Variants in COL13A1 observed in about 807,000 individuals in gnomAD.
COL13A1 encodes the protein collagen alpha-1(XIII) chain.
COL13A1 carries 89 observed loss-of-function variants against 130.9 expected under a neutral mutation model. The observed-to-expected ratio is 0.68, with a 90% CI of 0.57 to 0.81. The LOEUF (loss-of-function observed/expected upper bound fraction) is 0.81. Among genes scored for constraint, COL13A1 ranks in the 30% least tolerant of loss-of-function variants. The probability of loss-of-function intolerance (pLI) is 0.00; values close to 1 mark genes in which losing one functional copy is unlikely to be tolerated. For missense variants in COL13A1, 879 were observed against 934.6 expected (o/e 0.94, Z 0.78); for synonymous variants, 402 against 341.6 (o/e 1.18, Z -1.95).
chr10:69,867,177 G>T (rs1483922599), intron 2 of COL13A1, among the ~76,000 whole-genome samples: 7 of 152,210 alleles, frequency 4.6e-5, no homozygotes, highest in Admixed American at 3.9e-4. Flanking sequence ...GGAACAGAGA[G>T]AGGCATGGAG....
intron 39 of COL13A1, chr10:69,956,542 G>A: frequency 5.7e-6 from 1 of 176,058 alleles, no homozygotes; most frequent in Non-Finnish European, 1.2e-5. Context: ...TCCTCCCTGT[G>A]CTTAGGAAGA....
At chr10:69,859,414 G>A (rs1207774598) in intron 2 of COL13A1, among the ~76,000 whole-genome samples, 2 of 152,100 alleles carry the variant, frequency 1.3e-5, no homozygotes, top group Non-Finnish European at 2.9e-5. Context: ...CATTCGACAT[G>A]AGTCTGACCT....
intron 14 of COL13A1, among the ~76,000 whole-genome samples, chr10:69,900,507 C>A (rs993939159): frequency 6.6e-6 from 1 of 152,178 alleles, no homozygotes; most frequent in African/African-American, 2.4e-5. Context: ...AGACGAGGCA[C>A]CTCTGAGCTA....
intron 38 of COL13A1, among the ~76,000 whole-genome samples, chr10:69,949,950 G>GCA (rs2069170276): frequency 9.3e-6 from 1 of 107,402 alleles, no homozygotes; most frequent in African/African-American, 2.8e-5. Flanking sequence ...GTGTGTGTGC[G>GCA]TGTGTTTGTG....
At chr10:69,842,836 G>T (rs552858458) in intron 2 of COL13A1, among the ~76,000 whole-genome samples, 3 of 152,334 alleles carry the variant, frequency 2.0e-5, no homozygotes, top group Admixed American at 2.0e-4. Context: ...AGGCCTGCTG[G>T]GTTCCGCTGT....
At chr10:69,864,025 C>A (rs1008415760) in intron 2 of COL13A1, among the ~76,000 whole-genome samples, 12 of 152,078 alleles carry the variant, frequency 7.9e-5, no homozygotes, top group Admixed American at 3.3e-4. Flanking sequence ...GCCGTGATTG[C>A]ACCACTGTAC....
intron 2 of COL13A1, among the ~76,000 whole-genome samples, chr10:69,831,290 A>G (rs538592926): frequency 1.3e-5 from 2 of 152,274 alleles, no homozygotes; most frequent in East Asian, 3.9e-4. Context: ...ACCCAGACCC[A>G]GGGGGTCAAG....
chr10:69,897,836 T>A (rs1045606087), intron 13 of COL13A1, among the ~76,000 whole-genome samples: 6 of 152,238 alleles, frequency 3.9e-5, no homozygotes, highest in Non-Finnish European at 8.8e-5. Context: ...TGTTTTCACA[T>A]GGGCTCTGAT....
chr10:69,921,216 C>A (rs1257270499), intron 21 of COL13A1, among the ~76,000 whole-genome samples: 3 of 152,138 alleles, frequency 2.0e-5, no homozygotes, highest in Non-Finnish European at 4.4e-5. Flanking sequence ...CTTTGGCATT[C>A]CTTGGCTTAT....
intron 38 of COL13A1, among the ~76,000 whole-genome samples, chr10:69,948,999 A>G (rs1277245639): frequency 2.0e-5 from 3 of 152,220 alleles, no homozygotes; most frequent in Non-Finnish European, 4.4e-5. Context: ...GTAAAAGTCA[A>G]GTTCAGAAAA....
intron 2 of COL13A1, among the ~76,000 whole-genome samples, chr10:69,831,058 C>G (rs895701151): frequency 2.0e-5 from 3 of 152,152 alleles, no homozygotes; most frequent in Non-Finnish European, 4.4e-5. Context: ...TTAAGCCTCT[C>G]TGAATGTCTG....
At position 69,917,733 on chromosome 10, in the gene COL13A1, C is replaced by T. The variant is rs144733393; in HGVS notation, c.966+400C>T. On this transcript the variant is annotated intron_variant, in intron 18 of 40. Coordinates refer to ENST00000645393, the MANE Select transcript of COL13A1 (RefSeq NM_001368882.1). ...AGCTTTCACAAAGCTGATATGAAAA[C>T]AGGGTTCACTCCAGCCACTCCCCAG... Among the ~76,000 whole-genome samples, 859 of 150,844 alleles carry T rather than the reference C, an allele frequency of 5.7e-3. 6 individuals are homozygous for T. The highest frequency in any genetic ancestry group is 0.02 in the African/African-American group (802 of 40,926).
At chr10:69,889,474 G>C (rs1210040776) in intron 10 of COL13A1, 34 bp downstream of exon 10, 1 of 1,606,174 alleles carries the variant, frequency 6.2e-7, no homozygotes, top group African/African-American at 1.3e-5. Flanking sequence ...TCCCGAGATG[G>C]GTGGGGGTTG....
intron 2 of COL13A1, among the ~76,000 whole-genome samples, chr10:69,839,114 T>C (rs1413611484): frequency 6.6e-6 from 1 of 152,244 alleles, no homozygotes; most frequent in Non-Finnish European, 1.5e-5. Flanking sequence ...GTGTCAGCTA[T>C]GGTATTTGGA....
intron 2 of COL13A1, among the ~76,000 whole-genome samples, chr10:69,831,628 T>A: frequency 6.6e-6 from 1 of 152,336 alleles, no homozygotes; most frequent in East Asian, 1.9e-4. Context: ...AAGTTATGTA[T>A]GAAATTTTTC....
Position 69,920,678 on chromosome 10 carries a change from C to T in COL13A1, c.1089+951C>T, listed in dbSNP as rs553182960. ...GGCAGGAAGAGGGCTCTCACCAGAA[C>T]CTGGCCATACTGGCACCCTGATCTC... On this transcript the variant is annotated intron_variant, in intron 21 of 40. Coordinates refer to ENST00000645393, the MANE Select transcript of COL13A1 (RefSeq NM_001368882.1). Among the ~76,000 whole-genome samples, 25 of 152,352 alleles carry T rather than the reference C, an allele frequency of 1.6e-4. No individual in the cohort carries two copies. In the South Asian group the frequency reaches 5.2e-3, roughly 32 times the overall value.
At chr10:69,911,622 G>A (rs775810080) in intron 17 of COL13A1, among the ~76,000 whole-genome samples, 1 of 152,254 alleles carries the variant, frequency 6.6e-6, no homozygotes, top group Non-Finnish European at 1.5e-5. Flanking sequence ...AAGGAAAGGA[G>A]GTGGCAGCTG....
chr10:69,863,919 A>G (rs1564880113), intron 2 of COL13A1, among the ~76,000 whole-genome samples: 1 of 152,118 alleles, frequency 6.6e-6, no homozygotes, highest in Admixed American at 6.5e-5. Flanking sequence ...CTTACAAAAA[A>G]TACAGAAATT....
In COL13A1 at chr10:69,925,882, G is replaced by T; in HGVS notation, c.1398+10G>T. 1 of 1,582,694 alleles carries T rather than the reference G, an allele frequency of 6.3e-7. No individual in the cohort carries two copies. Among genetic ancestry groups the T allele is most frequent in the South Asian group, 1.2e-5 (1 of 86,134 alleles). ...CAATGAGGCTCTCCAGGTGAGCAGG[G>T]TCCAGCCCAGAGGCCAAGATCCTCA... On this transcript the variant is annotated intron_variant, in intron 26 of 40. Coordinates refer to ENST00000645393, the MANE Select transcript of COL13A1 (RefSeq NM_001368882.1).
Sources: allele counts gnomAD v4.1 joint callset (sites outside exome capture counted in the v4.1 genomes callset), GRCh38; gene constraint gnomAD v4.1.1; transcripts MANE v1.5; gene names NCBI Gene and HGNC (gene_info 2026-07-23, HGNC 2026-07-21).